The following VAV2 variants were observed in gnomAD, a reference collection of about 807,000 sequenced individuals.
The protein encoded by VAV2 is vav guanine nucleotide exchange factor 2, also known as guanine nucleotide exchange factor VAV2.
In VAV2, 67 loss-of-function variants were observed where a neutral mutation model predicts 132.5. The observed-to-expected ratio is 0.51, with a 90% CI of 0.42 to 0.62. VAV2 has a LOEUF of 0.62. Among genes scored for constraint, VAV2 ranks in the 20% least tolerant of loss-of-function variants. The pLI is 0.00. For missense variants in VAV2, 938 were observed against 1,153.6 expected (o/e 0.81, Z 2.71); for synonymous variants, 492 against 443.5 (o/e 1.11, Z -1.37).
At chr9:133,934,193 G>A (rs899674175) in intron 2 of VAV2, among the ~76,000 whole-genome samples, 1 of 128,214 alleles carries the variant, frequency 7.8e-6, no homozygotes. Context: ...CCCAAGGAAT[G>A]ACTCCCACAA....
intron 4 of VAV2, among the ~76,000 whole-genome samples, chr9:133,813,847 G>A (rs961823667): frequency 1.3e-5 from 2 of 152,258 alleles, no homozygotes; most frequent in East Asian, 3.8e-4. Flanking sequence ...AAGCCCCTCT[G>A]TGTGCCAGCG....
intron 13 of VAV2, among the ~76,000 whole-genome samples, 173 bp from the exon 14 acceptor site, chr9:133,789,516 G>A (rs2131614936): frequency 6.6e-6 from 1 of 152,350 alleles, no homozygotes; most frequent in Non-Finnish European, 1.5e-5. Flanking sequence ...GGACGAGGGA[G>A]GGTGCAGAAG....
chr9:133,839,439 A>G (rs1836627334), intron 3 of VAV2, among the ~76,000 whole-genome samples: 1 of 151,466 alleles, frequency 6.6e-6, no homozygotes, highest in Non-Finnish European at 1.5e-5. Flanking sequence ...GCCTCAAATT[A>G]GATACGAGGA....
At position 133,885,607 on chromosome 9, in the gene VAV2, G is replaced by T. The variant is rs996498529; in HGVS notation, c.322-24175C>A. Among the ~76,000 whole-genome samples, 3 of 152,168 alleles carry T rather than the reference G, an allele frequency of 2.0e-5. No individual in the cohort carries two copies. On this transcript the variant is annotated intron_variant, in intron 2 of 29. Transcript: ENST00000371850. This position sits in a 1 kb window ranked among gnomAD's most constrained non-coding sequence, Gnocchi z 5.0. ...CGCAGGGGAGACGTGACCCCAGGGC[G>T]GACCCCTCCCAAGCTTGGTGTGGTG... is the stretch of plus-strand genomic sequence containing the variant.
chr9:133,783,118 C>T (rs1365184714), intron 19 of VAV2, among the ~76,000 whole-genome samples: 1 of 152,174 alleles, frequency 6.6e-6, no homozygotes, highest in Admixed American at 6.5e-5. Flanking sequence ...AGGCCTCACC[C>T]GCCGGGAGAA....
chr9:133,875,617 C>T (rs552557063), intron 2 of VAV2, among the ~76,000 whole-genome samples: 8 of 152,334 alleles, frequency 5.3e-5, no homozygotes, highest in African/African-American at 1.9e-4. Context: ...CAGGACTGAC[C>T]CTGCCAGTCC....
chr9:133,782,254 A>G (rs2502756), intron 19 of VAV2, among the ~76,000 whole-genome samples: 150,078 of 152,148 alleles, frequency 0.99, 74,050 homozygotes, highest in East Asian at 1. Flanking sequence ...AATTTTTGAT[A>G]AGTAAACATT....
chr9:133,947,231 G>A (rs772930479), intron 1 of VAV2, among the ~76,000 whole-genome samples: 2 of 152,100 alleles, frequency 1.3e-5, no homozygotes, highest in East Asian at 1.9e-4. Context: ...GTCTGGCCTC[G>A]ACCCCTTATT....
rs745423288 is a variant in VAV2 at position 133,777,395 on chromosome 9, A to G, written c.1959T>C (p.Asp653=). 1 of 1,613,756 alleles carries G rather than the reference A, an allele frequency of 6.2e-7. No individual in the cohort carries two copies. The highest frequency in any genetic ancestry group is 1.7e-5 in the Admixed American group (1 of 60,008). The change falls in exon 23 of 30, where the codon GAT becomes GAC. Residue 653 remains aspartate, a synonymous_variant. Transcript: ENST00000371850. Reference sequence around the variant, plus strand: ...TCTGTGGGAAAGGACTCACCCTTCCATCCACAGGGCAGGGCTTCACAGATG... The same window carrying G: ...TCTGTGGGAAAGGACTCACCCTTCCGTCCACAGGGCAGGGCTTCACAGATG... ...PSSSVKPCPV[D]GRPPISRPPS...
chr9:133,835,740 C>T (rs1483376770), intron 3 of VAV2, among the ~76,000 whole-genome samples: 1 of 152,208 alleles, frequency 6.6e-6, no homozygotes, highest in Non-Finnish European at 1.5e-5. Context: ...CCCGCCCCAA[C>T]CGGAGGCCGG....
At chr9:133,809,384 G>A (rs1437773839) in intron 6 of VAV2, among the ~76,000 whole-genome samples, 1 of 152,178 alleles carries the variant, frequency 6.6e-6, no homozygotes, top group Admixed American at 6.5e-5. Context: ...TGCCAAGGAA[G>A]GCTTGGAGGC....
At chr9:133,975,965 A>C (rs1842490839) in intron 1 of VAV2, among the ~76,000 whole-genome samples, 1 of 151,932 alleles carries the variant, frequency 6.6e-6, no homozygotes, top group Non-Finnish European at 1.5e-5. Context: ...TGGGAGGCTG[A>C]GGCGGGTGGA....
In VAV2 at chr9:133,797,867, GCAGTGAGCCCGTC is replaced by G. The variant is rs1387571890; in HGVS notation, c.837-71_837-59del. ...CAGATTTAATGAGCAGCTCGGGGCT[GCAGTGAGCCCGTC>G]CATTTTTCCCAGCAGGCTGTAGGTG... is the stretch of plus-strand genomic sequence containing the variant. On this transcript the variant is annotated intron_variant, in intron 9 of 29. Transcript: ENST00000371850. 13 of 1,522,252 alleles carry G rather than the reference GCAGTGAGCCCGTC, an allele frequency of 8.5e-6. No individual in the cohort carries two copies. In the African/African-American group the frequency reaches 1.5e-4, roughly 18 times the overall value. 94.3% of individuals were successfully genotyped at this position (1,522,252 alleles called of 1,614,324 possible). A position where few individuals can be genotyped will look rare whatever the true frequency, so the allele number is the denominator to read the frequency against.
chr9:133,776,203 T>C, intron 23 of VAV2, 123 bp from the exon 24 acceptor site: 1 of 1,366,086 alleles, frequency 7.3e-7, no homozygotes, highest in South Asian at 1.6e-5. Context: ...GGACTGTCTG[T>C]GGACTTAGCC....
intron 3 of VAV2, among the ~76,000 whole-genome samples, chr9:133,839,319 G>A (rs548243023): frequency 7.0e-4 from 107 of 151,992 alleles, no homozygotes; most frequent in African/African-American, 2.3e-3. Flanking sequence ...ATGAGTGGAT[G>A]GATGAACAAA....
intron 1 of VAV2, among the ~76,000 whole-genome samples, chr9:133,949,870 CG>C (rs1295633748): frequency 6.6e-6 from 1 of 152,256 alleles, no homozygotes; most frequent in Non-Finnish European, 1.5e-5. Flanking sequence ...GCCCCCGACC[CG>C]GGCGTCTCCT....
intron 1 of VAV2, among the ~76,000 whole-genome samples, chr9:133,948,623 C>T (rs1330464792): frequency 6.6e-6 from 1 of 152,170 alleles, no homozygotes; most frequent in East Asian, 1.9e-4. Flanking sequence ...GAAAGGGCTG[C>T]AACAACAGCG....
chr9:133,945,204 A>G lies in VAV2; in HGVS notation c.205-5985T>C, dbSNP rs141884156. On this transcript the variant is annotated intron_variant, in intron 1 of 29. Transcript: ENST00000371850. ...TGCTGGCCTCTAAGCTATCCTGTCT[A>G]TGGGTTTCTGGGCAGGGAAATCCCA... 4.8e-3 allele frequency among the ~76,000 whole-genome samples: 725 copies of G among 152,344 alleles called. 7 individuals carry two copies. Among genetic ancestry groups the G allele is most frequent in the African/African-American group, 0.017 (697 of 41,580 alleles).
intron 13 of VAV2, among the ~76,000 whole-genome samples, chr9:133,790,049 G>A (rs567308196): frequency 3.9e-5 from 6 of 152,340 alleles, no homozygotes; most frequent in Non-Finnish European, 5.9e-5. Context: ...CATAGTCCCA[G>A]TCAACTTGCT....
Sources: allele counts gnomAD v4.1 joint callset (sites outside exome capture counted in the v4.1 genomes callset), GRCh38; gene constraint gnomAD v4.1.1; non-coding constraint Gnocchi (gnomAD v3.1); transcripts MANE v1.5; gene names NCBI Gene and HGNC (gene_info 2026-07-23, HGNC 2026-07-21).